RAD52: variants seen among roughly 807,000 people sequenced by gnomAD.
The protein encoded by RAD52 is RAD52 DNA repair protein, also known as DNA repair protein RAD52 homolog.
RAD52 carries 47 observed loss-of-function variants against 55.5 expected under a neutral mutation model. The observed-to-expected ratio is 0.85, with a 90% CI of 0.67 to 1.08. The LOEUF (loss-of-function observed/expected upper bound fraction) is 1.08, where lower values mean the gene tolerates loss of function less well. Ranked by LOEUF, RAD52 falls within the 50% of genes least tolerant of loss-of-function variation. The pLI, the probability that RAD52 is intolerant of heterozygous loss-of-function variation, is 0.00. For synonymous variants in RAD52, 184 were observed against 198.9 expected, an observed-to-expected ratio of 0.92 and a Z score of 0.63; for missense variants, 468 against 522.8, an observed-to-expected ratio of 0.90 and a Z score of 1.02.
At chr12:916,284 C>T in intron 9 of RAD52, 60 bp downstream of exon 9, 1 of 1,586,960 alleles carries the variant, frequency 6.3e-7, no homozygotes, top group Non-Finnish European at 8.5e-7. Flanking sequence ...TCAGAAGACC[C>T]TGCGGCTACA....
Position 912,851 on chromosome 12 carries a change from A to T in RAD52, c.*540T>A, listed in dbSNP as rs1040939583. On this transcript the variant is annotated 3_prime_UTR_variant, in exon 12 of 12. Transcript: ENST00000358495. ...TTGTAATGTCATAAATCCATAAATTATTTATATTAAATGAAGATTGTAGCC... is the reference window on the plus strand; with the variant it reads ...TTGTAATGTCATAAATCCATAAATTTTTTATATTAAATGAAGATTGTAGCC... 1 of 192,734 alleles carries T rather than the reference A, an allele frequency of 5.2e-6. No homozygotes were observed. Among genetic ancestry groups the T allele is most frequent in the Non-Finnish European group, 1.1e-5 (1 of 92,628 alleles). 11.9% of individuals were successfully genotyped at this position (192,734 alleles called of 1,614,324 possible). A position where few individuals can be genotyped will look rare whatever the true frequency, so the allele number is the denominator to read the frequency against.
At chr12:986,555 G>C (rs1959087982) in intron 1 of RAD52, among the ~76,000 whole-genome samples, 1 of 152,034 alleles carries the variant, frequency 6.6e-6, no homozygotes, top group Admixed American at 6.6e-5. Context: ...TGTAGAGACA[G>C]GGTCTCGCTG....
chr12:970,878 TTGAACCAAATACATA>T (rs1442062288), intron 1 of RAD52, among the ~76,000 whole-genome samples: 3 of 147,084 alleles, frequency 2.0e-5, no homozygotes, highest in African/African-American at 8.2e-5. Context: ...TGCTGAGACT[TTGAACCAAATACATA>T]TATTTTGAAC....
intron 1 of RAD52, among the ~76,000 whole-genome samples, chr12:987,580 A>G (rs945155362): frequency 2.1e-5 from 3 of 143,416 alleles, no homozygotes; most frequent in Non-Finnish European, 3.0e-5. Flanking sequence ...TTTTTTCCTG[A>G]GACAGGATCT....
intron 7 of RAD52, among the ~76,000 whole-genome samples, chr12:922,970 A>G (rs1408582110): frequency 1.3e-5 from 2 of 151,510 alleles, no homozygotes; most frequent in Admixed American, 6.6e-5. Flanking sequence ...AGCTGGGATT[A>G]CAGGCAGGCT....
chr12:914,936 T>A (rs2154107859), intron 9 of RAD52, among the ~76,000 whole-genome samples: 1 of 152,218 alleles, frequency 6.6e-6, no homozygotes, highest in East Asian at 1.9e-4. Context: ...GGTGGGAGGA[T>A]CGCTTGAAAC....
chr12:953,830 T>C (rs1199099824), upstream of RAD52, among the ~76,000 whole-genome samples: 2 of 152,192 alleles, frequency 1.3e-5, no homozygotes, highest in Non-Finnish European at 2.9e-5. Context: ...TCATAAATAA[T>C]ACTACAGTGA....
rs149656771 is a variant in RAD52 at position 984,497 on chromosome 12, G to T, written c.-19+5312C>A. 3.9e-3 allele frequency among the ~76,000 whole-genome samples: 590 copies of T among 151,152 alleles called. 10 individuals carry two copies. The highest frequency in any genetic ancestry group is 0.014 in the African/African-American group (573 of 41,158). On this transcript the variant is annotated intron_variant, in intron 1 of 11. Coordinates refer to the RAD52 transcript ENST00000430095. ...ATATGCATGTGAGCCACCGTGCCTG[G>T]CCCTGTCTCTATAAATTTGACTACT... is the stretch of plus-strand genomic sequence containing the variant.
intron 7 of RAD52, 101 bp from the exon 8 acceptor site, chr12:916,921 A>G: frequency 1.4e-6 from 2 of 1,480,614 alleles, no homozygotes; most frequent in East Asian, 2.4e-5. Flanking sequence ...CGCATTTGAC[A>G]TCCTCCATCC....
chr12:987,764 G>A (rs1246333972), intron 1 of RAD52, among the ~76,000 whole-genome samples: 3 of 152,120 alleles, frequency 2.0e-5, no homozygotes, highest in South Asian at 4.1e-4. Flanking sequence ...GTTTTGCCAT[G>A]TTGCCCAGGC....
At chr12:946,144 C>G (rs1160046881) in intron 1 of RAD52, among the ~76,000 whole-genome samples, 1 of 152,164 alleles carries the variant, frequency 6.6e-6, no homozygotes, top group Admixed American at 6.5e-5. Context: ...ACTGAATCCC[C>G]AACACTCAGC....
At chr12:944,489 C>G (rs964890955) in intron 1 of RAD52, among the ~76,000 whole-genome samples, 1 of 151,772 alleles carries the variant, frequency 6.6e-6, no homozygotes, top group Non-Finnish European at 1.5e-5. Flanking sequence ...CCACTACACT[C>G]CAGCCTGGGC....
intron 1 of RAD52, among the ~76,000 whole-genome samples, chr12:964,458 C>T (rs920791589): frequency 6.6e-6 from 1 of 152,048 alleles, no homozygotes. Flanking sequence ...ATCCCAGCTA[C>T]TCAGGAGGCT....
chr12:931,028 G>A (rs1156419092), intron 3 of RAD52, among the ~76,000 whole-genome samples, 192 bp downstream of exon 3: 1 of 152,038 alleles, frequency 6.6e-6, no homozygotes, highest in African/African-American at 2.4e-5. Context: ...TTATGCGAGT[G>A]TCAAGACCAT....
At chr12:938,266 C>T (rs1422403744) in intron 1 of RAD52, among the ~76,000 whole-genome samples, 1 of 152,200 alleles carries the variant, frequency 6.6e-6, no homozygotes, top group African/African-American at 2.4e-5. Context: ...TTTCTACCAA[C>T]CTAATCATCA....
chr12:924,133 GGC>G, intron 7 of RAD52, among the ~76,000 whole-genome samples: 1 of 151,772 alleles, frequency 6.6e-6, no homozygotes. Flanking sequence ...ACAAAGGCCG[GGC>G]GCGGGGGCTC....
intron 1 of RAD52, among the ~76,000 whole-genome samples, chr12:979,675 G>A (rs1290716999): frequency 4.6e-5 from 7 of 152,126 alleles, no homozygotes; most frequent in Admixed American, 3.9e-4. Flanking sequence ...CCAGCACCTT[G>A]ATCTTGGACT....
In RAD52 at chr12:932,967, A is replaced by G. The variant is rs373093577; in HGVS notation, c.84+8T>C. ...CATTCTTTCCCGGCATGAAGGAACC[A>G]CAGTTACCTGTCCAAAGCATAACAC... On this transcript the variant is annotated splice_region_variant and intron_variant, in intron 2 of 11. Coordinates refer to ENST00000358495, the MANE Select transcript of RAD52 (RefSeq NM_134424.4). The G allele has an allele frequency of 3.1e-6, 5 of 1,613,566 alleles. No individual in the cohort carries two copies. The highest frequency in any genetic ancestry group is 4.2e-6 in the Non-Finnish European group (5 of 1,179,854).
intron 1 of RAD52, among the ~76,000 whole-genome samples, chr12:940,938 A>C (rs978095987): frequency 1.6e-4 from 24 of 152,174 alleles, no homozygotes; most frequent in Admixed American, 9.8e-4. Flanking sequence ...CATACAATTG[A>C]AGTGAAATTG....
Sources: allele counts gnomAD v4.1 joint callset (sites outside exome capture counted in the v4.1 genomes callset), GRCh38; gene constraint gnomAD v4.1.1; transcripts MANE v1.5; gene names NCBI Gene and HGNC (gene_info 2026-07-23, HGNC 2026-07-21).